VWA8: variants seen among roughly 807,000 people sequenced by gnomAD.
VWA8 encodes the protein von Willebrand factor A domain-containing protein 8.
Under a neutral mutation model 241.5 loss-of-function variants are expected in VWA8, and 221 were observed. The observed-to-expected ratio is 0.91, with a 90% CI of 0.82 to 1.02. The LOEUF is 1.02. Ranked by LOEUF, VWA8 falls within the 50% of genes least tolerant of loss-of-function variation. The pLI is 0.00. For synonymous variants in VWA8, 852 were observed against 827.1 expected (o/e 1.03, Z -0.52); for missense variants, 2,322 against 2,328.7 (o/e 1.00, Z 0.06).
intron 42 of VWA8, among the ~76,000 whole-genome samples, chr13:41,583,587 G>A (rs2044397695): frequency 6.8e-6 from 1 of 147,368 alleles, no homozygotes. Context: ...AGGCTGCAGT[G>A]AGCCGAGATC....
chr13:41,574,591 C>T (rs1462913442), intron 43 of VWA8, among the ~76,000 whole-genome samples: 1 of 152,034 alleles, frequency 6.6e-6, no homozygotes, highest in Admixed American at 6.6e-5. Context: ...TCACGTGGAA[C>T]CAAAAAAGAG....
intron 37 of VWA8, among the ~76,000 whole-genome samples, chr13:41,629,546 A>C (rs1484848711): frequency 6.6e-6 from 1 of 152,210 alleles, no homozygotes; most frequent in Non-Finnish European, 1.5e-5. Flanking sequence ...ACATTAATAA[A>C]TCATAATTAT....
intron 26 of VWA8, among the ~76,000 whole-genome samples, chr13:41,716,950 T>C (rs1171414879): frequency 6.6e-6 from 1 of 151,302 alleles, no homozygotes; most frequent in African/African-American, 2.4e-5. Context: ...TGGCGGTCTA[T>C]GTGATTACCA....
At chr13:41,827,053 C>T (rs957415555) in intron 14 of VWA8, among the ~76,000 whole-genome samples, 19 of 152,114 alleles carry the variant, frequency 1.2e-4, no homozygotes, top group African/African-American at 4.6e-4. Flanking sequence ...CAGTATTATA[C>T]AGACCTTTAG....
intron 12 of VWA8, among the ~76,000 whole-genome samples, chr13:41,854,915 A>G (rs1056361842): frequency 1.3e-5 from 2 of 152,166 alleles, no homozygotes; most frequent in Non-Finnish European, 2.9e-5. Context: ...GAAAGCATGG[A>G]GTGGTAGGCA....
intron 10 of VWA8, among the ~76,000 whole-genome samples, chr13:41,867,924 G>C (rs1183736988): frequency 6.6e-6 from 1 of 152,140 alleles, no homozygotes; most frequent in East Asian, 1.9e-4. Flanking sequence ...TGCAGATGGA[G>C]CTCTATGACC....
chr13:41,927,979 C>T (rs1272119113), intron 2 of VWA8, among the ~76,000 whole-genome samples: 1 of 152,126 alleles, frequency 6.6e-6, no homozygotes, highest in African/African-American at 2.4e-5. Flanking sequence ...AAATAGACTT[C>T]ACGTCAAATT....
rs774000962 is a variant in VWA8 at position 41,671,112 on chromosome 13, G to A, written c.4445C>T (p.Ser1482Leu). 12 of 1,613,684 alleles carry A rather than the reference G, an allele frequency of 7.4e-6. No individual in the cohort carries two copies. The highest frequency in any genetic ancestry group is 1.7e-5 in the Admixed American group (1 of 59,980). Residue 1482 changes from serine to leucine, a missense_variant, in exon 37 of 45, where the codon TCG (serine) becomes TTG (leucine). Transcript: ENST00000379310. Reference protein sequence around the residue: ...ESLSPYTTWLSTISDTDALLA... With the variant: ...ESLSPYTTWLLTISDTDALLA... ...CAGTGCATCTGTGTCTGAAATGGTC[G>A]ACAGCCATGTGGTATACGGCGAGAG...
chr13:41,603,062 C>T (rs1354054198), intron 40 of VWA8, among the ~76,000 whole-genome samples: 2 of 152,104 alleles, frequency 1.3e-5, no homozygotes, highest in African/African-American at 4.8e-5. Flanking sequence ...AAAAACTCCC[C>T]TGAAATAATT....
At chr13:41,783,661 T>C in intron 19 of VWA8, 134 bp downstream of exon 19, 1 of 615,950 alleles carries the variant, frequency 1.6e-6, no homozygotes, top group Non-Finnish European at 2.7e-6. Flanking sequence ...AAAAAGATGT[T>C]CAACACTTCA....
chr13:41,855,341 T>C (rs1211499777), intron 12 of VWA8, among the ~76,000 whole-genome samples: 2 of 145,238 alleles, frequency 1.4e-5, no homozygotes, highest in South Asian at 4.2e-4. Flanking sequence ...TAATATATAA[T>C]ATATAAATAT....
At chr13:41,582,192 C>A (rs533402159) in intron 42 of VWA8, among the ~76,000 whole-genome samples, 2 of 152,262 alleles carry the variant, frequency 1.3e-5, no homozygotes, top group South Asian at 4.1e-4. Context: ...TGTGTCTTGC[C>A]ACTGAATTAC....
At position 41,590,735 on chromosome 13, in the gene VWA8, G is replaced by A. The variant is rs1291031563; in HGVS notation, c.5017C>T (p.His1673Tyr). 6.2e-7 allele frequency: 1 copy of A among 1,614,046 alleles called. No individual in the cohort carries two copies. The highest frequency in any genetic ancestry group is 1.3e-5 in the African/African-American group (1 of 74,996). The stretch of plus-strand genomic sequence containing the variant: ...TCATCTAATTCTCCAGTAGCTTGAT[G>A]TCTTAGCCATTGTCTTTCTTTACCT... ...AKGKERQWLR[H>Y]QATGELDDAK... Residue 1673 changes from histidine (H) to tyrosine (Y), a missense_variant, in exon 41 of 45, where the codon CAT (histidine) becomes TAT (tyrosine). Physicochemically the swap from His to Tyr is moderately conservative, Grantham distance 83. Transcript: ENST00000379310.
intron 29 of VWA8, among the ~76,000 whole-genome samples, chr13:41,694,479 C>T (rs2045202023): frequency 6.6e-6 from 1 of 151,764 alleles, no homozygotes; most frequent in South Asian, 2.1e-4. Flanking sequence ...TAAAAATTAA[C>T]ATATAAGAAG....
chr13:41,716,073 TAA>T (rs2045346177), intron 26 of VWA8, among the ~76,000 whole-genome samples: 1 of 151,964 alleles, frequency 6.6e-6, no homozygotes, highest in East Asian at 1.9e-4. Flanking sequence ...ATTAGAAACT[TAA>T]AAGAGGAGCA....
At chr13:41,661,397 G>A (rs2044949237) in intron 37 of VWA8, among the ~76,000 whole-genome samples, 1 of 152,176 alleles carries the variant, frequency 6.6e-6, no homozygotes, top group Admixed American at 6.5e-5. Context: ...GGTAGTGAAA[G>A]TTGGTAATGC....
intron 2 of VWA8, among the ~76,000 whole-genome samples, chr13:41,913,518 C>A (rs1246261301): frequency 1.3e-5 from 2 of 152,200 alleles, no homozygotes; most frequent in African/African-American, 4.8e-5. Flanking sequence ...AAAGATCCAA[C>A]TAAGAAAGCC....
intron 25 of VWA8, among the ~76,000 whole-genome samples, chr13:41,720,136 G>A (rs1470517327): frequency 6.6e-6 from 1 of 152,098 alleles, no homozygotes; most frequent in Non-Finnish European, 1.5e-5. Context: ...TTTCAGAAAA[G>A]TCAGTCTATG....
chr13:41,706,692 G>C (rs1185236987), intron 26 of VWA8, among the ~76,000 whole-genome samples: 1 of 152,156 alleles, frequency 6.6e-6, no homozygotes, highest in Non-Finnish European at 1.5e-5. Flanking sequence ...CATTAATTTA[G>C]GGGAAACTCT....
Sources: allele counts gnomAD v4.1 joint callset (sites outside exome capture counted in the v4.1 genomes callset), GRCh38; gene constraint gnomAD v4.1.1; transcripts MANE v1.5; gene names NCBI Gene and HGNC (gene_info 2026-07-23, HGNC 2026-07-21).